NCOA5: variants seen among roughly 807,000 people sequenced by gnomAD.
NCOA5 encodes the protein nuclear receptor coactivator 5.
A neutral mutation model predicts 59.0 loss-of-function variants in NCOA5; 12 were observed. The observed-to-expected ratio is 0.20, with a 90% CI of 0.13 to 0.33. NCOA5 has a LOEUF of 0.33. NCOA5 is among the 10% of genes least tolerant of loss of function. The pLI, the probability that NCOA5 is intolerant of heterozygous loss-of-function variation, is 1.00. For synonymous variants in NCOA5, 270 were observed against 275.5 expected (o/e 0.98, Z 0.20); for missense variants, 655 against 766.6 (o/e 0.85, Z 1.72).
chr20:46,061,963 T>C lies in NCOA5; in HGVS notation c.*337A>G, dbSNP rs1037939837. On this transcript the variant is annotated 3_prime_UTR_variant, in exon 8 of 8. Coordinates refer to ENST00000290231, the MANE Select transcript of NCOA5 (RefSeq NM_020967.3). ...TGGCTACTGACATGACAAATGCCAT[T>C]CCAAACTTGGCTAGCTGGGCCTGGC... 1.5e-5 allele frequency: 3 copies of C among 199,002 alleles called. No homozygotes were observed. Among genetic ancestry groups the C allele is most frequent in the Non-Finnish European group, 3.1e-5 (3 of 96,826 alleles). 12.3% of individuals were successfully genotyped at this position (199,002 alleles called of 1,614,324 possible).
chr20:46,065,129 C>T lies in NCOA5; in HGVS notation c.729G>A (p.Glu243=), dbSNP rs375379866. The T allele has an allele frequency of 3.7e-6, 6 of 1,614,062 alleles. No homozygotes were observed. In the African/African-American group the frequency reaches 5.3e-5, roughly 14 times the overall value. The change falls in exon 6 of 8, where the codon GAG becomes GAA. Residue 243 remains glutamate (E), a synonymous_variant. Transcript: ENST00000290231. ...AAGGAGAACCTCCCCTGCTAACATC[C>T]TCCAAGGCTTGTGACAGTGACACTT... ...NTEVSLSQAL[E]DVSRGGSPFA... is the part of the protein sequence containing the mutation.
intron 4 of NCOA5, among the ~76,000 whole-genome samples, chr20:46,067,607 A>G (rs1304521660): frequency 6.6e-6 from 1 of 151,932 alleles, no homozygotes; most frequent in Non-Finnish European, 1.5e-5. Flanking sequence ...TTTAAAATTA[A>G]AAATTTAAAA....
chr20:46,079,593 C>T, intron 1 of NCOA5, 140 bp from the exon 2 acceptor site: 1 of 691,302 alleles, frequency 1.4e-6, no homozygotes, highest in Admixed American at 2.5e-5. Context: ...CAGAGACACA[C>T]TGTCACTTGG....
At chr20:46,076,505 G>A (rs2084940188) in intron 2 of NCOA5, among the ~76,000 whole-genome samples, 1 of 151,136 alleles carries the variant, frequency 6.6e-6, no homozygotes, top group African/African-American at 2.4e-5. Flanking sequence ...TGAATACAAT[G>A]TTAAACCTGT....
Position 46,063,366 on chromosome 20 carries a change from G to A in NCOA5, c.1144C>T (p.Leu382=), listed in dbSNP as rs1436175944. The change falls in exon 7 of 8, where the codon CTG becomes TTG. Residue 382 remains leucine, a synonymous_variant. Transcript: ENST00000290231. Reference sequence around the variant, plus strand: ...GCCCTGCCACGTAGCTCACCAGGCAGAGAGTCGGTGCTGCTCCTCATCAGC... The same window carrying A: ...GCCCTGCCACGTAGCTCACCAGGCAAAGAGTCGGTGCTGCTCCTCATCAGC... The part of the protein sequence containing the change: ...ERLMRSSTDS[L]PGPISRQPLG... 1 of 1,612,232 alleles carries A rather than the reference G, an allele frequency of 6.2e-7. No homozygotes were observed. Among genetic ancestry groups the A allele is most frequent in the Non-Finnish European group, 8.5e-7 (1 of 1,179,902 alleles).
rs1429711129 is a variant in NCOA5 at position 46,062,149 on chromosome 20, T to C, written c.*151A>G. 3 of 614,496 alleles carry C rather than the reference T, an allele frequency of 4.9e-6. No homozygotes were observed. Among genetic ancestry groups the C allele is most frequent in the Non-Finnish European group, 8.5e-6 (3 of 353,944 alleles). The allele number at this position is 614,496 out of a possible 1,614,324, so 38.1% of individuals were successfully genotyped here. A position where few individuals can be genotyped will look rare whatever the true frequency, so the allele number is the denominator to read the frequency against. On this transcript the variant is annotated 3_prime_UTR_variant, in exon 8 of 8. Coordinates refer to ENST00000290231, the MANE Select transcript of NCOA5 (RefSeq NM_020967.3). ...TTGTAAGGAATAAGCAACACAGCCT[T>C]GGGCAGAAGAGAGAGCAGGTGGTAG... is the stretch of plus-strand genomic sequence containing the variant.
intron 7 of NCOA5, 94 bp from the exon 8 acceptor site, chr20:46,062,983 AT>A: frequency 1.9e-6 from 2 of 1,039,716 alleles, no homozygotes. Context: ...ACTGAGTCAC[AT>A]CAATCATACA....
intron 6 of NCOA5, among the ~76,000 whole-genome samples, 165 bp downstream of exon 6, chr20:46,064,864 A>G (rs1568876834): frequency 6.6e-6 from 1 of 152,232 alleles, no homozygotes; most frequent in African/African-American, 2.4e-5. Context: ...AAACTATCAG[A>G]TAAGTAAGTG....
intron 2 of NCOA5, among the ~76,000 whole-genome samples, chr20:46,073,720 C>A (rs2084908227): frequency 6.6e-6 from 1 of 152,132 alleles, no homozygotes; most frequent in Non-Finnish European, 1.5e-5. Context: ...CGGGGTGGGG[C>A]ATGTCATAGC....
chr20:46,066,386 G>A (rs1413324505), intron 5 of NCOA5, among the ~76,000 whole-genome samples: 1 of 152,206 alleles, frequency 6.6e-6, no homozygotes, highest in Non-Finnish European at 1.5e-5. Context: ...ATGCAGAGGC[G>A]TGTCTCCCAA....
chr20:46,089,326 G>A (rs12942), intron 1 of NCOA5, among the ~76,000 whole-genome samples: 8,345 of 152,292 alleles, frequency 0.055, 760 homozygotes, highest in African/African-American at 0.19. Context: ...GCGAGACGGT[G>A]GCGGGGGACA....
Position 46,063,700 on chromosome 20 carries a change from G to A in NCOA5, c.830-20C>T. On this transcript the variant is annotated intron_variant, in intron 6 of 7. Transcript: ENST00000290231. The stretch of plus-strand genomic sequence containing the variant: ...GATGCTCTGTAGGAGGAAATGACAT[G>A]AGTTATTTTCTTCCATGACATATTT... The A allele has an allele frequency of 6.2e-7, 1 of 1,603,018 alleles. No homozygotes were observed. The highest frequency in any genetic ancestry group is 8.5e-7 in the Non-Finnish European group (1 of 1,173,158).
chr20:46,076,784 G>A (rs1036659056), intron 2 of NCOA5, among the ~76,000 whole-genome samples: 1 of 152,078 alleles, frequency 6.6e-6, no homozygotes, highest in Non-Finnish European at 1.5e-5. Context: ...CCCTCCTGTT[G>A]ATTGTAAATA....
chr20:46,062,718 C>T lies in NCOA5; in HGVS notation c.1322G>A (p.Ser441Asn). The change falls in exon 8 of 8, where the codon AGT becomes AAT. Residue 441 changes from serine to asparagine, a missense_variant. Coordinates refer to ENST00000290231, the MANE Select transcript of NCOA5 (RefSeq NM_020967.3). Reference protein sequence around the residue: ...LQAKILSLFNSGTVTANSSSA... With the variant: ...LQAKILSLFNNGTVTANSSSA... ...GCTGCTATTGGCCGTCACTGTGCCA[C>T]TATTGAAGAGGCTGAGGATTTTGGC... The T allele has an allele frequency of 6.2e-7, 1 of 1,613,942 alleles. No individual in the cohort carries two copies. Among genetic ancestry groups the T allele is most frequent in the Non-Finnish European group, 8.5e-7 (1 of 1,179,878 alleles).
chr20:46,079,329 GCT>G (rs2084968809), intron 2 of NCOA5, 56 bp downstream of exon 2: 1 of 1,562,228 alleles, frequency 6.4e-7, no homozygotes, highest in Non-Finnish European at 8.8e-7. Context: ...ACGAAGCTGG[GCT>G]TAACTCCCCA....
At chr20:46,072,469 G>C (rs2145536630) in intron 2 of NCOA5, among the ~76,000 whole-genome samples, 2 of 152,280 alleles carry the variant, frequency 1.3e-5, no homozygotes, top group African/African-American at 4.8e-5. Flanking sequence ...CAAGTAGCTG[G>C]AACTACAGAT....
chr20:46,062,773 C>T lies in NCOA5; in HGVS notation c.1267G>A (p.Ala423Thr). ...AGCTCTTGCTGGGAGGTGGGGGGTGCAGATGGAGTGGGTGTAGCAGAGGGG... is the reference window on the plus strand; with the variant it reads ...AGCTCTTGCTGGGAGGTGGGGGGTGTAGATGGAGTGGGTGTAGCAGAGGGG... Reference protein sequence around the residue: ...VLPSATPTPSAPPTSQQELQA... With the variant: ...VLPSATPTPSTPPTSQQELQA... Residue 423 changes from alanine to threonine, a missense_variant, in exon 8 of 8, where the codon GCA becomes ACA. By Grantham distance (58) the Ala-to-Thr change is moderately conservative. Coordinates refer to ENST00000290231, the MANE Select transcript of NCOA5 (RefSeq NM_020967.3). 6.2e-7 allele frequency: 1 copy of T among 1,601,744 alleles called. No homozygotes were observed. Among genetic ancestry groups the T allele is most frequent in the South Asian group, 1.1e-5 (1 of 88,370 alleles).
chr20:46,074,633 C>T (rs950700664), intron 2 of NCOA5, among the ~76,000 whole-genome samples: 4 of 152,004 alleles, frequency 2.6e-5, no homozygotes, highest in South Asian at 2.1e-4. Flanking sequence ...GACGTAAGGG[C>T]GAAAGGGGTG....
chr20:46,087,635 T>C (rs2085058020), intron 1 of NCOA5, among the ~76,000 whole-genome samples: 1 of 152,308 alleles, frequency 6.6e-6, no homozygotes, highest in South Asian at 2.1e-4. Context: ...GGCGCACGCC[T>C]GTAATCCCAG....
Sources: gnomAD v4.1 joint callset for allele counts (sites outside exome capture counted in the v4.1 genomes callset) on GRCh38, gnomAD v4.1.1 for gene constraint, MANE v1.5 for transcripts, NCBI Gene and HGNC (gene_info 2026-07-23, HGNC 2026-07-21) for gene names.